NDRG4: variants seen among roughly 807,000 people sequenced by gnomAD.
The protein encoded by NDRG4 is NDRG family member 4.
NDRG4 carries 38 observed loss-of-function variants against 55.8 expected under a neutral mutation model. The observed-to-expected ratio is 0.68, with a 90% CI of 0.53 to 0.89. The LOEUF is 0.89. Among genes scored for constraint, NDRG4 ranks in the 40% least tolerant of loss-of-function variants. The pLI, the probability that NDRG4 is intolerant of heterozygous loss-of-function variation, is 0.00. For synonymous variants in NDRG4, 190 were observed against 182.7 expected (o/e 1.04, Z -0.32); for missense variants, 455 against 468.6 (o/e 0.97, Z 0.27).
chr16:58,488,587 T>C (rs1189098683), intron 2 of NDRG4, among the ~76,000 whole-genome samples: 1 of 152,030 alleles, frequency 6.6e-6, no homozygotes, highest in African/African-American at 2.4e-5. Flanking sequence ...CTTTTACAGA[T>C]GGGGAGGCCA....
chr16:58,503,678 G>A, intron 1 of NDRG4, 120 bp from the exon 2 acceptor site: 1 of 1,543,676 alleles, frequency 6.5e-7, no homozygotes, highest in Non-Finnish European at 8.7e-7. Context: ...ATGAGAACAG[G>A]ATGCCCCAAG....
At chr16:58,471,235 G>A (rs1275764082) in intron 1 of NDRG4, among the ~76,000 whole-genome samples, 1 of 110,260 alleles carries the variant, frequency 9.1e-6, no homozygotes, top group African/African-American at 3.6e-5. Flanking sequence ...GTACTCTGTT[G>A]TCCAGGCTGG....
intron 2 of NDRG4, among the ~76,000 whole-genome samples, chr16:58,488,858 G>T (rs1247884702): frequency 1.3e-5 from 2 of 152,152 alleles, no homozygotes; most frequent in African/African-American, 4.8e-5. Flanking sequence ...AGCTGCCCTG[G>T]TGGGGTGGTG....
chr16:58,498,833 T>C (rs558544783), upstream of NDRG4, among the ~76,000 whole-genome samples: 6 of 152,170 alleles, frequency 3.9e-5, no homozygotes, highest in Admixed American at 3.9e-4. Flanking sequence ...GGTCAGGTCT[T>C]GCCAGCCAAA....
At chr16:58,511,162 A>T (rs1291777494) in intron 14 of NDRG4, 2 of 524,508 alleles carry the variant, frequency 3.8e-6, no homozygotes, top group Non-Finnish European at 6.8e-6. Flanking sequence ...TGAGGGAGGC[A>T]CGGCTGGAAA....
At chr16:58,487,636 G>A in intron 1 of NDRG4, 1 of 705,440 alleles carries the variant, frequency 1.4e-6, no homozygotes, top group African/African-American at 1.8e-5. Context: ...GGCTGCGCTT[G>A]GGGGCCAGGG....
chr16:58,506,528 G>A (rs1468494164), intron 6 of NDRG4, 30 bp from the exon 7 acceptor site: 13 of 1,599,858 alleles, frequency 8.1e-6, no homozygotes, highest in Non-Finnish European at 1.1e-5. Flanking sequence ...GTGAGGGGCG[G>A]CACTCACGCT....
chr16:58,504,091 C>T (rs571804627), intron 2 of NDRG4, 63 bp from the exon 3 acceptor site: 20 of 1,604,944 alleles, frequency 1.2e-5, no homozygotes, highest in East Asian at 4.5e-5. Flanking sequence ...CCTCTGGGGG[C>T]CCGGCCTTCC....
chr16:58,515,352 G>C (rs187884740), downstream of NDRG4: 1 of 626,964 alleles, frequency 1.6e-6, no homozygotes, highest in African/African-American at 2.0e-5. Flanking sequence ...CAGCGCGTGA[G>C]TGCAATTGGA....
upstream of NDRG4, among the ~76,000 whole-genome samples, chr16:58,496,736 G>C (rs1428073062): frequency 6.6e-6 from 1 of 152,142 alleles, no homozygotes; most frequent in Non-Finnish European, 1.5e-5. Context: ...CCCCTCATAT[G>C]GACACTCAGC....
At chr16:58,472,759 C>T (rs375563754) in intron 1 of NDRG4, among the ~76,000 whole-genome samples, 12 of 152,208 alleles carry the variant, frequency 7.9e-5, no homozygotes, top group African/African-American at 1.9e-4. Context: ...GGCCCTTCCT[C>T]GCAAGGGCAG....
At chr16:58,504,088 G>A in intron 2 of NDRG4, 66 bp from the exon 3 acceptor site, 1 of 1,604,750 alleles carries the variant, frequency 6.2e-7, no homozygotes, top group South Asian at 1.1e-5. Flanking sequence ...TGCCCTCTGG[G>A]GGCCCGGCCT....
chr16:58,501,189 C>T (rs774766840), intron 1 of NDRG4: 50 of 626,170 alleles, frequency 8.0e-5, no homozygotes, highest in Non-Finnish European at 1.1e-4. Context: ...TCACCCCGCA[C>T]GCACGGAGGT....
intron 5 of NDRG4, among the ~76,000 whole-genome samples, chr16:58,505,153 T>G (rs11639565): frequency 0.059 from 9,047 of 152,084 alleles, 290 homozygotes; most frequent in South Asian, 0.087. Context: ...ATCAAGACCA[T>G]CCTGGCTAAC....
intron 1 of NDRG4, chr16:58,463,848 G>C (rs1462148733): frequency 1.3e-5 from 2 of 153,002 alleles, no homozygotes; most frequent in Non-Finnish European, 2.9e-5. Context: ...TTCTCTCGCC[G>C]CCGCGGCTGC....
chr16:58,487,685 C>A, intron 1 of NDRG4: 4 of 1,283,028 alleles, frequency 3.1e-6, no homozygotes, highest in South Asian at 2.9e-5. Flanking sequence ...GCCCCAGCCC[C>A]GACTTGCGCT....
chr16:58,471,758 T>C (rs1323009532), intron 1 of NDRG4, among the ~76,000 whole-genome samples: 2 of 151,652 alleles, frequency 1.3e-5, no homozygotes, highest in Non-Finnish European at 2.9e-5. Context: ...TTGGCGGGGG[T>C]GGTCGGGCAG....
chr16:58,507,858 C>A lies in NDRG4; in HGVS notation c.671C>A (p.Thr224Lys). ...CCTGGAACGGTGCCCAATGCCAAGA[C>A]GCTCCGGTGAGTGGCCCCTGGCCCT... ...NRPGTVPNAK[T>K]LRCPVMLVVG... The change falls in exon 9 of 15, where the codon ACG (threonine) becomes AAG (lysine). Residue 224 changes from threonine (T) to lysine (K), a missense_variant. Coordinates refer to ENST00000570248, the MANE Select transcript of NDRG4 (RefSeq NM_001242835.2). 2 of 1,614,038 alleles carry A rather than the reference C, an allele frequency of 1.2e-6. No homozygotes were observed. Among genetic ancestry groups the A allele is most frequent in the Non-Finnish European group, 1.7e-6 (2 of 1,180,000 alleles).
At chr16:58,502,146 G>T in intron 1 of NDRG4, 1 of 405,974 alleles carries the variant, frequency 2.5e-6, no homozygotes, top group Non-Finnish European at 5.2e-6. Context: ...GATTGACCTT[G>T]GGCAAGTCAT....
Sources: gnomAD v4.1 joint callset for allele counts (sites outside exome capture counted in the v4.1 genomes callset) on GRCh38, gnomAD v4.1.1 for gene constraint, MANE v1.5 for transcripts, NCBI Gene and HGNC (gene_info 2026-07-23, HGNC 2026-07-21) for gene names.